The following ZYG11B variants were observed in gnomAD, a reference collection of about 807,000 sequenced individuals.
ZYG11B encodes zyg-11 family member B, cell cycle regulator.
Under a neutral mutation model 82.4 loss-of-function variants are expected in ZYG11B, and 36 were observed. The ratio of observed to expected loss-of-function variants is 0.44; its 90% CI spans 0.33 to 0.58. ZYG11B has a LOEUF of 0.58. Ranked by LOEUF, ZYG11B falls within the 20% of genes least tolerant of loss-of-function variation. The pLI, the probability that ZYG11B is intolerant of heterozygous loss-of-function variation, is 0.02. For synonymous variants in ZYG11B, 303 were observed against 312.8 expected, an observed-to-expected ratio of 0.97 and a Z score of 0.33; for missense variants, 552 against 895.6, an observed-to-expected ratio of 0.62 and a Z score of 4.90.
intron 10 of ZYG11B, among the ~76,000 whole-genome samples, chr1:52,806,319 A>T (rs1190003856): frequency 2.0e-5 from 3 of 152,204 alleles, no homozygotes; most frequent in Admixed American, 6.5e-5. Flanking sequence ...ACTAATTAAT[A>T]ATTAGATTGT....
intron 10 of ZYG11B, among the ~76,000 whole-genome samples, chr1:52,803,301 C>CAT (rs1413394572): frequency 8.0e-6 from 1 of 125,274 alleles, no homozygotes; most frequent in South Asian, 2.5e-4. Context: ...TATATATACA[C>CAT]ATATATATAC....
intron 10 of ZYG11B, among the ~76,000 whole-genome samples, chr1:52,802,552 T>C (rs1008296918): frequency 2.0e-5 from 3 of 151,742 alleles, no homozygotes; most frequent in South Asian, 4.2e-4. Flanking sequence ...GGTTTTGCCA[T>C]GTTGCCCAGG....
chr1:52,821,606 C>T lies in ZYG11B; in HGVS notation c.2212C>T (p.Gln738Ter). Residue 738 changes from glutamine (Q) to a stop codon, truncating the protein, a stop_gained, in exon 14 of 14, where the codon CAG becomes TAG. Coordinates refer to ENST00000294353, the MANE Select transcript of ZYG11B (RefSeq NM_024646.3). LOFTEE classifies it high-confidence loss of function. ...TGGGAGGCCACCTCCCTGTAAAAAA[C>T]AGCCCCAAGCCAGACTAAATTGATA... ...RHGRPPPCKK[Q>*]PQARLN 2 of 1,613,462 alleles carry T rather than the reference C, an allele frequency of 1.2e-6. No homozygotes were observed. Among genetic ancestry groups the T allele is most frequent in the Non-Finnish European group, 1.7e-6 (2 of 1,179,780 alleles).
intron 8 of ZYG11B, among the ~76,000 whole-genome samples, chr1:52,800,733 C>CG (rs946876846): frequency 2.6e-4 from 40 of 151,854 alleles, no homozygotes; most frequent in African/African-American, 7.2e-4. Context: ...ACTTGAACCC[C>CG]GGGGGGGTGG....
intron 13 of ZYG11B, among the ~76,000 whole-genome samples, chr1:52,817,815 ATTTTTTTTTTTTTTTTTTTTTTTTTTTT>A (rs1176871667): frequency 1.4e-4 from 4 of 27,664 alleles, no homozygotes; most frequent in East Asian, 1.0e-3. Flanking sequence ...ATATATATAT[ATTTTTTTTTTTTTTTTTTTTTTTTTTTT>A]TTTTTTTTTT....
chr1:52,803,123 C>CACACATAT (rs1553262802), intron 10 of ZYG11B, among the ~76,000 whole-genome samples: 1 of 53,652 alleles, frequency 1.9e-5, no homozygotes, highest in Admixed American at 2.7e-4. Flanking sequence ...TATATACACA[C>CACACATAT]ATATATATAT....
chr1:52,784,489 T>A lies in ZYG11B; in HGVS notation c.1093-388T>A, dbSNP rs145709193. 4.6e-5 allele frequency among the ~76,000 whole-genome samples: 7 copies of A among 152,336 alleles called. No homozygotes were observed. The East Asian group carries it at 1.3e-3, about 29-fold the overall frequency. ...GGAAAGTGAATGGATTTTATTGCAC[T>A]TTAACCTCAGCAGTGTTCTCAAGGA... On this transcript the variant is annotated intron_variant, in intron 4 of 13. Transcript: ENST00000294353.
intron 1 of ZYG11B, among the ~76,000 whole-genome samples, chr1:52,753,065 C>G (rs1644539760): frequency 6.6e-6 from 1 of 152,110 alleles, no homozygotes; most frequent in Non-Finnish European, 1.5e-5. Flanking sequence ...TTAGGCTGGT[C>G]TTGAACACCT....
At chr1:52,801,007 T>G (rs1033204133) in intron 8 of ZYG11B, among the ~76,000 whole-genome samples, 1 of 152,208 alleles carries the variant, frequency 6.6e-6, no homozygotes, top group African/African-American at 2.4e-5. Flanking sequence ...ATGGATGCCT[T>G]ATGTAGTTTT....
chr1:52,792,548 A>C (rs546264247), intron 6 of ZYG11B, among the ~76,000 whole-genome samples: 1 of 152,330 alleles, frequency 6.6e-6, no homozygotes, highest in African/African-American at 2.4e-5. Context: ...AAGGATTAGT[A>C]ACTTGCCCAA....
chr1:52,735,324 C>T (rs555408272), intron 1 of ZYG11B, among the ~76,000 whole-genome samples: 52 of 152,302 alleles, frequency 3.4e-4, no homozygotes, highest in South Asian at 2.1e-4. Context: ...CCACCGTGCC[C>T]GGCCCAAATC....
intron 2 of ZYG11B, among the ~76,000 whole-genome samples, chr1:52,757,850 T>C (rs530583048): frequency 1.1e-4 from 16 of 152,126 alleles, no homozygotes; most frequent in Non-Finnish European, 2.2e-4. Context: ...GAAGCTCTTA[T>C]CTGTGTAGTT....
chr1:52,741,673 GT>G (rs201442955), intron 1 of ZYG11B, among the ~76,000 whole-genome samples: 6 of 152,182 alleles, frequency 3.9e-5, no homozygotes, highest in African/African-American at 9.6e-5. Flanking sequence ...AAAATGCGGG[GT>G]TTTTTTCTAT....
At chr1:52,813,012 C>T (rs746301854) in intron 10 of ZYG11B, among the ~76,000 whole-genome samples, 8 of 152,142 alleles carry the variant, frequency 5.3e-5, no homozygotes, top group African/African-American at 1.7e-4. Flanking sequence ...GTTAGAGTGG[C>T]GTCTTATCAG....
chr1:52,779,551 C>T (rs1262465715), intron 3 of ZYG11B, among the ~76,000 whole-genome samples: 1 of 152,244 alleles, frequency 6.6e-6, no homozygotes, highest in African/African-American at 2.4e-5. Context: ...AGTGCAGTGG[C>T]GTGATCTCAG....
intron 3 of ZYG11B, among the ~76,000 whole-genome samples, chr1:52,777,860 T>C (rs561722451): frequency 1.8e-4 from 27 of 152,366 alleles, no homozygotes; most frequent in African/African-American, 4.1e-4. Flanking sequence ...TTCCCCTTAT[T>C]ATGAGATAGT....
At chr1:52,821,253 A>ACT (rs1230454158) in intron 13 of ZYG11B, among the ~76,000 whole-genome samples, 186 bp from the exon 14 acceptor site, 1 of 152,130 alleles carries the variant, frequency 6.6e-6, no homozygotes, top group East Asian at 1.9e-4. Flanking sequence ...TTGAATGTGT[A>ACT]GGCCTTGCAC....
Position 52,726,639 on chromosome 1 carries a change from C to A in ZYG11B, c.-15C>A. On this transcript the variant is annotated 5_prime_UTR_variant, in exon 1 of 14. Coordinates refer to ENST00000294353, the MANE Select transcript of ZYG11B (RefSeq NM_024646.3). ...CTCCGGTCCGGCCCGCCGCCGCACC[C>A]AGGACGGAGGCTGCATGCCCGAGGA... 6.8e-7 allele frequency: 1 copy of A among 1,463,652 alleles called. No individual in the cohort carries two copies. Among genetic ancestry groups the A allele is most frequent in the Non-Finnish European group, 9.0e-7 (1 of 1,113,804 alleles). 90.7% of individuals were successfully genotyped at this position (1,463,652 alleles called of 1,614,324 possible). A position where few individuals can be genotyped will look rare whatever the true frequency, so the allele number is the denominator to read the frequency against.
Position 52,756,599 on chromosome 1 carries a change from C to T in ZYG11B, c.172C>T (p.Leu58=). Residue 58 remains leucine (L), a synonymous_variant, in exon 2 of 14, where the codon CTG becomes TTG. Transcript: ENST00000294353. ...ATTCCCACAGGAGGTGGCTGATCGACTGCTTCGGACCATGGCTTTTCATGG... is the reference window on the plus strand; with the variant it reads ...ATTCCCACAGGAGGTGGCTGATCGATTGCTTCGGACCATGGCTTTTCATGG... ...GVFPQEVADR[L]LRTMAFHGLL... 1 of 1,610,188 alleles carries T rather than the reference C, an allele frequency of 6.2e-7. No homozygotes were observed. The highest frequency in any genetic ancestry group is 8.5e-7 in the Non-Finnish European group (1 of 1,178,560).
Sources: gnomAD v4.1 joint callset for allele counts (sites outside exome capture counted in the v4.1 genomes callset) on GRCh38, gnomAD v4.1.1 for gene constraint, MANE v1.5 for transcripts, NCBI Gene and HGNC (gene_info 2026-07-23, HGNC 2026-07-21) for gene names.